PXN: variants seen among roughly 807,000 people sequenced by gnomAD.
The protein encoded by PXN is testicular tissue protein Li 134.
Under a neutral mutation model 103.6 loss-of-function variants are expected in PXN, and 61 were observed. The observed-to-expected ratio is 0.59, with a 90% CI of 0.48 to 0.73. The LOEUF (loss-of-function observed/expected upper bound fraction) is 0.73, where lower values mean the gene tolerates loss of function less well. PXN is among the 30% of genes least tolerant of loss of function. The probability of loss-of-function intolerance (pLI) is 0.00; values close to 1 mark genes in which losing one functional copy is unlikely to be tolerated. For missense variants in PXN, 1,274 were observed against 1,460.3 expected, an observed-to-expected ratio of 0.87 and a Z score of 2.08; for synonymous variants, 562 against 607.8, an observed-to-expected ratio of 0.92 and a Z score of 1.11.
intron 1 of PXN, among the ~76,000 whole-genome samples, chr12:120,227,606 G>A (rs1887148551): frequency 6.6e-6 from 1 of 152,134 alleles, no homozygotes. Context: ...AAAAACCCCA[G>A]CAAGTCCATC....
chr12:120,231,501 G>A lies in PXN; in HGVS notation c.14-7124C>T, dbSNP rs1251921803. Among the ~76,000 whole-genome samples, 14 of 152,302 alleles carry A rather than the reference G, an allele frequency of 9.2e-5. No individual in the cohort carries two copies. In the South Asian group the frequency reaches 2.3e-3, roughly 25 times the overall value. Reference sequence around the variant, plus strand: ...TACAGCCCTGAAGGAAGTGTGGGCTGGGGGGTGACACACAGGAAGCCAGGG... The same window carrying A: ...TACAGCCCTGAAGGAAGTGTGGGCTAGGGGGTGACACACAGGAAGCCAGGG... On this transcript the variant is annotated intron_variant, in intron 1 of 14. Coordinates refer to ENST00000637617, the MANE Select transcript of PXN (RefSeq NM_001385981.1).
Position 120,256,034 on chromosome 12 carries a change from T to G in PXN, c.13+9583A>C, listed in dbSNP as rs1892966578. Among the ~76,000 whole-genome samples, 3 of 151,758 alleles carry G rather than the reference T, an allele frequency of 2.0e-5. No individual in the cohort carries two copies. In the South Asian group the frequency reaches 6.2e-4, roughly 32 times the overall value. On this transcript the variant is annotated intron_variant, in intron 1 of 14. Transcript: ENST00000637617. ...TTGCAGTGAGCCAAGATCATGCCAC[T>G]GTACTCCATTCTGGGCGGCAGAGCA...
chr12:120,222,771 A>G lies in PXN; in HGVS notation c.494-21T>C. On this transcript the variant is annotated intron_variant, in intron 4 of 14. Coordinates refer to ENST00000637617, the MANE Select transcript of PXN (RefSeq NM_001385981.1). This position sits in a 1 kb window ranked among gnomAD's most constrained non-coding sequence, Gnocchi z 4.7. ...CTCATCTTGCAGAGAGGAGAGAAAA[A>G]GGCTGCTCAGCCCTTGAGCCCTCCT... is the stretch of plus-strand genomic sequence containing the variant. 6.3e-7 allele frequency: 1 copy of G among 1,598,616 alleles called. No homozygotes were observed. The highest frequency in any genetic ancestry group is 2.3e-5 in the East Asian group (1 of 44,402).
chr12:120,223,067 C>T, intron 3 of PXN, 68 bp from the exon 4 acceptor site: 1 of 1,610,520 alleles, frequency 6.2e-7, no homozygotes. Flanking sequence ...TGGCAGTTCC[C>T]AGATTCCCAA....
chr12:120,255,950 G>T, intron 1 of PXN, among the ~76,000 whole-genome samples: 1 of 149,448 alleles, frequency 6.7e-6, no homozygotes, highest in Non-Finnish European at 1.5e-5. Context: ...TGCGGACTGC[G>T]GGGGGTTGGG....
Position 120,219,519 on chromosome 12 carries a change from T to G in PXN, c.1404A>C (p.Ala468=), listed in dbSNP as rs546877837. The stretch of plus-strand genomic sequence containing the variant: ...CTGGGAAGATGGCCTGCCGGTCCAC[T>G]GCCACTACAGCTGGCTCTGTTACTT... ...FQEVTEPAVV[A]VDRQAIFPDT... Residue 468 remains alanine, a synonymous_variant, in exon 7 of 15, where the codon GCA becomes GCC. Coordinates refer to ENST00000637617, the MANE Select transcript of PXN (RefSeq NM_001385981.1). This position sits in a 1 kb window ranked among gnomAD's most constrained non-coding sequence, Gnocchi z 6.5. 14 of 1,594,240 alleles carry G rather than the reference T, an allele frequency of 8.8e-6. No individual in the cohort carries two copies. The South Asian group carries it at 1.3e-4, about 15-fold the overall frequency.
chr12:120,240,927 A>C (rs1151825), intron 1 of PXN, among the ~76,000 whole-genome samples: 40,707 of 151,982 alleles, frequency 0.27, 7,881 homozygotes, highest in East Asian at 0.57. Context: ...CAGCTCCCTA[A>C]CCCTGGAGCA....
chr12:120,219,907 C>T lies in PXN; in HGVS notation c.1016G>A (p.Gly339Asp), dbSNP rs370039679. Residue 339 changes from glycine (G) to aspartate (D), a missense_variant, in exon 7 of 15, where the codon GGC becomes GAC. Around this residue, in one of 2 missense-constraint regions of PXN, gnomAD observed 1,178 missense variants for 1,309.0 expected, o/e 0.90. Coordinates refer to ENST00000637617, the MANE Select transcript of PXN (RefSeq NM_001385981.1). The surrounding 1 kb of genome is among the most constrained non-coding windows in gnomAD (Gnocchi z 6.5). ...EFPCTEQSGR[G>D]LLPPVAPSWL... ...GCTGGGGGCTACAGGAGGTAGAAGG[C>T]CTCGTCCACTCTGCTCAGTACAAGG... 3.3e-4 allele frequency: 524 copies of T among 1,598,248 alleles called. 7 individuals carry two copies. In the South Asian group the frequency reaches 4.7e-3, roughly 14 times the overall value.
rs1879909669 is a variant in PXN, at chr12:120,210,535, T to C, written c.*1779A>G. 3 of 151,876 alleles carry C rather than the reference T, an allele frequency of 2.0e-5. No homozygotes were observed. Among genetic ancestry groups the C allele is most frequent in the Admixed American group, 2.0e-4 (3 of 15,244 alleles). 9.4% of individuals were successfully genotyped at this position (151,876 alleles called of 1,614,324 possible). ...GGAAGTTTACAGAGAAAAAATAAAA[T>C]CAAAATCAAATTTTCAAATAACCAC... On this transcript the variant is annotated 3_prime_UTR_variant, in exon 15 of 15. Transcript: ENST00000637617.
chr12:120,228,970 C>T lies in PXN; in HGVS notation c.14-4593G>A, dbSNP rs962028234. Among the ~76,000 whole-genome samples, 1 of 152,176 alleles carries T rather than the reference C, an allele frequency of 6.6e-6. No individual in the cohort carries two copies. The highest frequency in any genetic ancestry group is 1.5e-5 in the Non-Finnish European group (1 of 68,022). On this transcript the variant is annotated intron_variant, in intron 1 of 14. Coordinates refer to ENST00000637617, the MANE Select transcript of PXN (RefSeq NM_001385981.1). This position sits in a 1 kb window ranked among gnomAD's most constrained non-coding sequence, Gnocchi z 4.7. ...CCCTGGGCCTCAGCAACTGACTGAG[C>T]GTAATCCTTACAACCGGTGGGAGCC...
rs542366461 is a variant in PXN, at chr12:120,224,610, C to G, written c.14-233G>C. On this transcript the variant is annotated intron_variant, in intron 1 of 14. Coordinates refer to ENST00000637617, the MANE Select transcript of PXN (RefSeq NM_001385981.1). This position sits in a 1 kb window ranked among gnomAD's most constrained non-coding sequence, Gnocchi z 5.0. ...CCCAGGACTGAAAGTGCTCTAGAGG[C>G]GGGCTCTGGGGCTGCCCTGTGGGAT... is the stretch of plus-strand genomic sequence containing the variant. 1 of 689,506 alleles carries G rather than the reference C, an allele frequency of 1.5e-6. No individual in the cohort carries two copies. The highest frequency in any genetic ancestry group is 2.7e-6 in the Non-Finnish European group (1 of 377,050). 42.7% of individuals were successfully genotyped at this position (689,506 alleles called of 1,614,324 possible).
At position 120,214,000 on chromosome 12, in the gene PXN, G is replaced by C. The variant is rs757277641; in HGVS notation, c.2831-10C>G. The C allele has an allele frequency of 6.2e-7, 1 of 1,610,662 alleles. No homozygotes were observed. Among genetic ancestry groups the C allele is most frequent in the Admixed American group, 1.7e-5 (1 of 59,598 alleles). On this transcript the variant is annotated splice_polypyrimidine_tract_variant and intron_variant, in intron 13 of 14. Transcript: ENST00000637617. This position sits in a 1 kb window ranked among gnomAD's most constrained non-coding sequence, Gnocchi z 4.2. Reference sequence around the variant, plus strand: ...TCCTTCTCGTGGAACCCTGGGGAGCGGGGGTTTTGGAGGCACAGTTCATTC... The same window carrying C: ...TCCTTCTCGTGGAACCCTGGGGAGCCGGGGTTTTGGAGGCACAGTTCATTC...
chr12:120,226,939 A>G, intron 1 of PXN: 1 of 991,152 alleles, frequency 1.0e-6, no homozygotes, highest in Non-Finnish European at 1.2e-6. Flanking sequence ...GTCACTCTGC[A>G]GGAGGAAGCT....
chr12:120,254,717 A>AT (rs1264207669), intron 1 of PXN, among the ~76,000 whole-genome samples: 3 of 151,934 alleles, frequency 2.0e-5, no homozygotes, highest in African/African-American at 7.3e-5. Context: ...CGCCCAGCTA[A>AT]TTTTTGTAAT....
intron 1 of PXN, among the ~76,000 whole-genome samples, chr12:120,238,060 C>T (rs879334385): frequency 2.0e-5 from 3 of 152,294 alleles, no homozygotes; most frequent in Non-Finnish European, 2.9e-5. Flanking sequence ...GCCAACTCTC[C>T]GCATGGGGAA....
At position 120,229,893 on chromosome 12, in the gene PXN, G is replaced by A. The variant is rs1029915071; in HGVS notation, c.14-5516C>T. Among the ~76,000 whole-genome samples the A allele has an allele frequency of 5.3e-5, 8 of 152,004 alleles. No individual in the cohort carries two copies. The highest frequency in any genetic ancestry group is 1.5e-4 in the African/African-American group (6 of 41,376). ...GCTGCCCTGCCACACCAGCCCCAGC[G>A]CCAGGGCCCCGTGGTCCCTGCCCAC... On this transcript the variant is annotated intron_variant, in intron 1 of 14. Coordinates refer to ENST00000637617, the MANE Select transcript of PXN (RefSeq NM_001385981.1). This position sits in a 1 kb window ranked among gnomAD's most constrained non-coding sequence, Gnocchi z 4.0.
At chr12:120,257,469 T>C (rs997028065) in intron 1 of PXN, among the ~76,000 whole-genome samples, 1 of 152,098 alleles carries the variant, frequency 6.6e-6, no homozygotes, top group Admixed American at 6.5e-5. Flanking sequence ...CTGACATAGA[T>C]GACATGAGGC....
rs778614957 is a variant in PXN, at chr12:120,222,782, C to T, written c.494-32G>A. 9.4e-6 allele frequency: 15 copies of T among 1,598,986 alleles called. No homozygotes were observed. The highest frequency in any genetic ancestry group is 1.7e-4 in the Middle Eastern group (1 of 6,032). On this transcript the variant is annotated intron_variant, in intron 4 of 14. Coordinates refer to ENST00000637617, the MANE Select transcript of PXN (RefSeq NM_001385981.1). This position sits in a 1 kb window ranked among gnomAD's most constrained non-coding sequence, Gnocchi z 4.7. ...GAGAGGAGAGAAAAAGGCTGCTCAGCCCTTGAGCCCTCCTGGGATCTAGAG... is the reference window on the plus strand; with the variant it reads ...GAGAGGAGAGAAAAAGGCTGCTCAGTCCTTGAGCCCTCCTGGGATCTAGAG...
chr12:120,250,634 A>T (rs1020493308), intron 1 of PXN, among the ~76,000 whole-genome samples: 6 of 152,256 alleles, frequency 3.9e-5, no homozygotes, highest in Admixed American at 1.3e-4. Flanking sequence ...CATGAAAGCC[A>T]CCAAAGAGGC....
Sources: gnomAD v4.1 joint callset for allele counts (sites outside exome capture counted in the v4.1 genomes callset) on GRCh38, gnomAD v4.1.1 for gene constraint, gnomAD v4.1.1 regional missense constraint, Gnocchi (gnomAD v3.1) non-coding constraint, MANE v1.5 for transcripts, NCBI Gene and HGNC (gene_info 2026-07-23, HGNC 2026-07-21) for gene names.